Variants in PIK3C2G observed in about 807,000 individuals in gnomAD.
PIK3C2G encodes the protein phosphatidylinositol 3-kinase C2 domain-containing subunit gamma.
A neutral mutation model predicts 181.1 loss-of-function variants in PIK3C2G; 168 were observed. The ratio of observed to expected loss-of-function variants is 0.93; its 90% CI spans 0.82 to 1.05. The LOEUF is 1.05. PIK3C2G is among the 50% of genes least tolerant of loss of function. The probability of loss-of-function intolerance (pLI) is 0.00; values close to 1 mark genes in which losing one functional copy is unlikely to be tolerated. For synonymous variants in PIK3C2G, 573 were observed against 592.2 expected (o/e 0.97, Z 0.47); for missense variants, 1,869 against 1,732.8 (o/e 1.08, Z -1.40).
At chr12:18,559,811 TATATATATATAGAGAGAGAG>T (rs1473949355) in intron 26 of PIK3C2G, among the ~76,000 whole-genome samples, 777 of 31,980 alleles carry the variant, frequency 0.024, no homozygotes, top group Non-Finnish European at 0.04. Context: ...TATATATATA[TATATATATATAGAGAGAGAG>T]AGAGAGAGAG....
rs542729733 is a variant in PIK3C2G at position 18,388,152 on chromosome 12, T to A, written c.1996-2970T>A. Among the ~76,000 whole-genome samples, 191 of 152,198 alleles carry A rather than the reference T, an allele frequency of 1.3e-3. 2 individuals are homozygous for A. The highest frequency in any genetic ancestry group is 4.5e-3 in the African/African-American group (185 of 41,524). ...TCTCACTCCAAAACCACCATATGGA[T>A]CCCTCTTTTACAACTCCTTTTTTCA... On this transcript the variant is annotated intron_variant, in intron 14 of 32. Coordinates refer to ENST00000538779, the MANE Select transcript of PIK3C2G (RefSeq NM_001288772.2).
At chr12:18,338,653 TTGTGTGTATC>T (rs1467166122) in intron 9 of PIK3C2G, 105 bp downstream of exon 9, 3 of 716,438 alleles carry the variant, frequency 4.2e-6, no homozygotes, top group Non-Finnish European at 4.7e-6. Context: ...GTGTGTATGT[TTGTGTGTATC>T]TGTGTGTGTG....
chr12:18,666,532 T>G, the PIK3C2G span, among the ~76,000 whole-genome samples: 1 of 152,018 alleles, frequency 6.6e-6, no homozygotes, highest in African/African-American at 2.4e-5. Context: ...ATAAAACAAT[T>G]ATAAATATAT....
chr12:18,593,780 A>G (rs968022764), intron 29 of PIK3C2G, among the ~76,000 whole-genome samples: 4 of 151,906 alleles, frequency 2.6e-5, no homozygotes, highest in African/African-American at 9.7e-5. Flanking sequence ...AGAAGCATGC[A>G]TCTCTGTACA....
Position 18,371,217 on chromosome 12 carries a change from G to A in PIK3C2G, c.1786G>A (p.Glu596Lys). Residue 596 changes from glutamate to lysine, a missense_variant, in exon 13 of 33, where the codon GAA becomes AAA. By Grantham distance (56) the Glu-to-Lys change is moderately conservative (BLOSUM62 1). Coordinates refer to ENST00000538779, the MANE Select transcript of PIK3C2G (RefSeq NM_001288772.2). ...CCTTGAAATAAAGTCACTTCCAAGG[G>A]AATCCATGCTCACTGTAAAACTGTT... ...FPLEIKSLPR[E>K]SMLTVKLFGI... The A allele has an allele frequency of 1.2e-6, 2 of 1,611,196 alleles. No homozygotes were observed. Among genetic ancestry groups the A allele is most frequent in the Non-Finnish European group, 1.7e-6 (2 of 1,178,320 alleles).
chr12:18,381,738 C>A, intron 13 of PIK3C2G, 28 bp from the exon 14 acceptor site: 1 of 1,210,340 alleles, frequency 8.3e-7, no homozygotes, highest in Non-Finnish European at 1.2e-6. Context: ...TGACTCCTGT[C>A]TGTGTGTGTG....
intron 24 of PIK3C2G, among the ~76,000 whole-genome samples, chr12:18,537,791 AT>A (rs1375133927): frequency 6.6e-6 from 1 of 152,038 alleles, no homozygotes; most frequent in Non-Finnish European, 1.5e-5. Flanking sequence ...GTTCGATCAT[AT>A]CAAAATTTAG....
intron 22 of PIK3C2G, among the ~76,000 whole-genome samples, chr12:18,500,237 G>A (rs937325946): frequency 8.6e-5 from 13 of 151,966 alleles, no homozygotes; most frequent in Admixed American, 3.9e-4. Context: ...CCCCGCACTC[G>A]GAGCGGCCGG....
chr12:18,282,067 T>C lies in PIK3C2G; in HGVS notation c.-15T>C, dbSNP rs1949243638. The C allele has an allele frequency of 6.6e-6, 10 of 1,512,726 alleles. No individual in the cohort carries two copies. The East Asian group carries it at 2.3e-4, about 35-fold the overall frequency. The allele number at this position is 1,512,726 out of a possible 1,614,324, so 93.7% of individuals were successfully genotyped here. A position where few individuals can be genotyped will look rare whatever the true frequency, so the allele number is the denominator to read the frequency against. Reference sequence around the variant, plus strand: ...TTGGAGCAGAGTCAACCCTCTCAGTTACATAAAATAAAAAATGGCATATTC... The same window carrying C: ...TTGGAGCAGAGTCAACCCTCTCAGTCACATAAAATAAAAAATGGCATATTC... On this transcript the variant is annotated 5_prime_UTR_variant, in exon 2 of 33. Transcript: ENST00000538779.
chr12:18,710,952 C>G, the PIK3C2G span, among the ~76,000 whole-genome samples: 1 of 152,042 alleles, frequency 6.6e-6, no homozygotes, highest in Non-Finnish European at 1.5e-5. Context: ...TAAACTAGTT[C>G]AACCATTGTG....
intron 18 of PIK3C2G, among the ~76,000 whole-genome samples, chr12:18,455,070 G>A (rs1947552131): frequency 1.3e-5 from 2 of 152,284 alleles, no homozygotes; most frequent in South Asian, 4.1e-4. Flanking sequence ...ATTGCTGGCA[G>A]CATTTAATTC....
At chr12:18,663,826 AAAATATTAGC>A in the PIK3C2G span, among the ~76,000 whole-genome samples, 1 of 152,182 alleles carries the variant, frequency 6.6e-6, no homozygotes, top group African/African-American at 2.4e-5. Context: ...AAAATGGAAG[AAAATATTAGC>A]AAATCATACA....
rs1460173457 is a variant in PIK3C2G, at chr12:18,371,243, T to G, written c.1812T>G (p.Phe604Leu). ...AATCCATGCTCACTGTAAAACTGTT[T>G]GGGATTGCCTGTGCAACCAACAATG... ...PRESMLTVKL[F>L]GIACATNNAN... The change falls in exon 13 of 33, where the codon TTT becomes TTG. Residue 604 changes from phenylalanine (F) to leucine (L), a missense_variant. Coordinates refer to ENST00000538779, the MANE Select transcript of PIK3C2G (RefSeq NM_001288772.2). 1 of 1,612,656 alleles carries G rather than the reference T, an allele frequency of 6.2e-7. No individual in the cohort carries two copies. The highest frequency in any genetic ancestry group is 1.1e-5 in the South Asian group (1 of 90,788).
intron 20 of PIK3C2G, among the ~76,000 whole-genome samples, chr12:18,494,847 T>C (rs1458191106): frequency 6.6e-6 from 1 of 152,160 alleles, no homozygotes; most frequent in Non-Finnish European, 1.5e-5. Flanking sequence ...TTTTTGTTTC[T>C]AGATAAAACA....
chr12:18,257,790 GAAAGAAAGA>G (rs928550269), upstream of PIK3C2G, among the ~76,000 whole-genome samples: 15 of 141,772 alleles, frequency 1.1e-4, no homozygotes, highest in African/African-American at 3.6e-4. Context: ...GAAAGAAAGA[GAAAGAAAGA>G]AAAGAAAGAA....
chr12:18,705,214 C>T, the PIK3C2G span: 6 of 1,613,998 alleles, frequency 3.7e-6, no homozygotes, highest in Non-Finnish European at 5.1e-6. Context: ...TATCAGAAAG[C>T]AAGGACTCTC....
At chr12:18,567,080 A>G in intron 29 of PIK3C2G, 23 bp downstream of exon 29, 1 of 1,056,092 alleles carries the variant, frequency 9.5e-7, no homozygotes, top group Non-Finnish European at 1.4e-6. Context: ...TAATTTTTCT[A>G]TTTTTACATA....
chr12:18,371,990 T>C (rs1942096234), intron 13 of PIK3C2G, among the ~76,000 whole-genome samples: 1 of 152,116 alleles, frequency 6.6e-6, no homozygotes, highest in African/African-American at 2.4e-5. Flanking sequence ...TTTCAAAAAA[T>C]CAGAACATAT....
At chr12:18,549,270 A>G (rs1944603403) in intron 26 of PIK3C2G, among the ~76,000 whole-genome samples, 1 of 152,054 alleles carries the variant, frequency 6.6e-6, no homozygotes, top group Non-Finnish European at 1.5e-5. Flanking sequence ...ATTTCTCCCA[A>G]GTAAAGCAGG....
Sources: allele counts gnomAD v4.1 joint callset (sites outside exome capture counted in the v4.1 genomes callset), GRCh38; gene constraint gnomAD v4.1.1; transcripts MANE v1.5; gene names NCBI Gene and HGNC (gene_info 2026-07-23, HGNC 2026-07-21).